COL9A1: variants seen among roughly 807,000 people sequenced by gnomAD.
COL9A1 encodes collagen alpha-1(IX) chain.
A neutral mutation model predicts 142.6 loss-of-function variants in COL9A1; 104 were observed. The observed-to-expected ratio is 0.73, with a 90% CI of 0.62 to 0.86. The LOEUF (loss-of-function observed/expected upper bound fraction) is 0.86. COL9A1 is among the 40% of genes least tolerant of loss of function. The pLI is 0.00. For missense variants in COL9A1, 1,210 were observed against 1,176.6 expected (o/e 1.03, Z -0.42); for synonymous variants, 466 against 396.0 (o/e 1.18, Z -2.10).
At chr6:70,234,038 T>G (rs916457683) in intron 35 of COL9A1, among the ~76,000 whole-genome samples, 2 of 152,224 alleles carry the variant, frequency 1.3e-5, no homozygotes, top group African/African-American at 4.8e-5. Flanking sequence ...ATAATTTTGG[T>G]AAATGCTGGT....
At chr6:70,246,283 C>T (rs1770604884) in intron 28 of COL9A1, 1 of 152,102 alleles carries the variant, frequency 6.6e-6, no homozygotes, top group Non-Finnish European at 1.5e-5. Flanking sequence ...TTTCTTGAAA[C>T]TGGGAGATGG....
intron 10 of COL9A1, chr6:70,280,278 G>A: frequency 8.1e-7 from 1 of 1,235,562 alleles, no homozygotes. Context: ...TAAATTCCCC[G>A]CACATCCCCA....
At chr6:70,295,281 CTTTTTTTTTTT>C in intron 4 of COL9A1, among the ~76,000 whole-genome samples, 1 of 63,166 alleles carries the variant, frequency 1.6e-5, no homozygotes, top group African/African-American at 6.4e-5. Flanking sequence ...GTTGTTGCTT[CTTTTTTTTTTT>C]TTTTTTTTTT....
At position 70,226,928 on chromosome 6, in the gene COL9A1, G is replaced by T. The variant is rs572886791; in HGVS notation, c.2504-919C>A. Among the ~76,000 whole-genome samples, 12 of 152,190 alleles carry T rather than the reference G, an allele frequency of 7.9e-5. No homozygotes were observed. The South Asian group carries it at 2.3e-3, about 29-fold the overall frequency. ...AAAGCAACATGAAGGGAATTAAGTT[G>T]ACCAGATATTAAATCAACTAAAATG... On this transcript the variant is annotated intron_variant, in intron 36 of 37. Transcript: ENST00000357250.
chr6:70,222,193 T>C (rs1342536185), intron 37 of COL9A1, among the ~76,000 whole-genome samples: 1 of 152,186 alleles, frequency 6.6e-6, no homozygotes, highest in Non-Finnish European at 1.5e-5. Context: ...GCAACAATAA[T>C]AACAGTTAAA....
rs866704700 is a variant in COL9A1, at chr6:70,280,987, T to G, written c.912+17A>C. 1 of 1,612,764 alleles carries G rather than the reference T, an allele frequency of 6.2e-7. No homozygotes were observed. The highest frequency in any genetic ancestry group is 1.1e-5 in the South Asian group (1 of 91,072). ...TAAAGGAAGGAAGTGGAGCGCCATA[T>G]GCTCCAATCAACTTACCGGGGGGCC... On this transcript the variant is annotated intron_variant, in intron 9 of 37. Coordinates refer to ENST00000357250, the MANE Select transcript of COL9A1 (RefSeq NM_001851.6).
chr6:70,271,639 G>A lies in COL9A1; in HGVS notation c.1143+16C>T, dbSNP rs1562317477. On this transcript the variant is annotated intron_variant, in intron 14 of 37. Transcript: ENST00000357250. ...TAAATCAGCAAACGTCTATCAAAGT[G>A]CACTGTGGTACTCACAACAGGTCCT... is the stretch of plus-strand genomic sequence containing the variant. 1.2e-6 allele frequency: 2 copies of A among 1,611,786 alleles called. No individual in the cohort carries two copies. The highest frequency in any genetic ancestry group is 1.7e-6 in the Non-Finnish European group (2 of 1,177,944).
chr6:70,265,245 A>G (rs575687175), intron 18 of COL9A1, among the ~76,000 whole-genome samples: 3 of 152,242 alleles, frequency 2.0e-5, no homozygotes, highest in Admixed American at 1.3e-4. Context: ...AGGCATCTGG[A>G]TTAACAGCTC....
intron 5 of COL9A1, among the ~76,000 whole-genome samples, chr6:70,284,118 T>C (rs1773341880): frequency 6.6e-6 from 1 of 152,188 alleles, no homozygotes; most frequent in Non-Finnish European, 1.5e-5. Context: ...TCTGTTCTGA[T>C]GACAATCTCA....
intron 37 of COL9A1, among the ~76,000 whole-genome samples, chr6:70,220,390 GT>G (rs879326963): frequency 0.092 from 47 of 510 alleles, no homozygotes; most frequent in African/African-American, 0.17. Flanking sequence ...GTGTGGCAGG[GT>G]GTGTGTGTGT....
chr6:70,278,947 G>A (rs1772938809), intron 10 of COL9A1, among the ~76,000 whole-genome samples: 1 of 152,076 alleles, frequency 6.6e-6, no homozygotes, highest in African/African-American at 2.4e-5. Context: ...ATTAAATTGG[G>A]GGACAGATAA....
chr6:70,265,154 T>C (rs1771930739), intron 18 of COL9A1, among the ~76,000 whole-genome samples: 4 of 152,142 alleles, frequency 2.6e-5, no homozygotes. Context: ...GGTTTTCCAC[T>C]GAACATCAAA....
chr6:70,217,639 T>C (rs1768608953), intron 37 of COL9A1, among the ~76,000 whole-genome samples: 2 of 152,204 alleles, frequency 1.3e-5, no homozygotes, highest in Non-Finnish European at 2.9e-5. Flanking sequence ...TCACATTATA[T>C]TTCTTTTGAA....
At chr6:70,231,301 T>C (rs1769528079) in intron 36 of COL9A1, among the ~76,000 whole-genome samples, 1 of 152,208 alleles carries the variant, frequency 6.6e-6, no homozygotes, top group South Asian at 2.1e-4. Context: ...GTAGAGTTTC[T>C]TAGAAATTAT....
chr6:70,286,024 GACA>G lies in COL9A1; in HGVS notation c.697-2207_697-2205del, dbSNP rs1338580060. Among the ~76,000 whole-genome samples, 3 of 152,026 alleles carry G rather than the reference GACA, an allele frequency of 2.0e-5. No homozygotes were observed. The East Asian group carries it at 5.8e-4, about 29-fold the overall frequency. ...CTGCCTCAGCCTCCCGAGTAGCTGG[GACA>G]ACAGGCGCCCACCACCACACCCAGC... On this transcript the variant is annotated intron_variant, in intron 5 of 37. Transcript: ENST00000357250.
At chr6:70,265,684 A>G (rs1295290096) in intron 18 of COL9A1, among the ~76,000 whole-genome samples, 1 of 151,986 alleles carries the variant, frequency 6.6e-6, no homozygotes, top group East Asian at 1.9e-4. Context: ...GACATTAGGA[A>G]CCCAGCTGTT....
In COL9A1 at chr6:70,242,051, A is replaced by G; in HGVS notation, c.1927-16T>C. The G allele has an allele frequency of 6.3e-7, 1 of 1,583,050 alleles. No individual in the cohort carries two copies. The highest frequency in any genetic ancestry group is 8.6e-7 in the Non-Finnish European group (1 of 1,162,168). On this transcript the variant is annotated splice_polypyrimidine_tract_variant and intron_variant, in intron 29 of 37. Coordinates refer to ENST00000357250, the MANE Select transcript of COL9A1 (RefSeq NM_001851.6). ...CCAGAGAACCCTGGAAAGCAAAAAC[A>G]AAGTCCCCGGAGTTACTGTCACTGC...
intron 37 of COL9A1, among the ~76,000 whole-genome samples, chr6:70,221,817 G>C (rs555309020): frequency 1.3e-5 from 2 of 152,298 alleles, no homozygotes; most frequent in Admixed American, 6.5e-5. Context: ...CAATGGGCAA[G>C]TTTGGTGGCA....
intron 22 of COL9A1, 34 bp from the exon 23 acceptor site, chr6:70,255,237 T>C (rs1771204491): frequency 6.2e-7 from 1 of 1,612,958 alleles, no homozygotes; most frequent in Non-Finnish European, 8.5e-7. Context: ...AGACAAGACA[T>C]GTTCAGTTAA....
Sources: allele counts gnomAD v4.1 joint callset (sites outside exome capture counted in the v4.1 genomes callset), GRCh38; gene constraint gnomAD v4.1.1; transcripts MANE v1.5; gene names NCBI Gene and HGNC (gene_info 2026-07-23, HGNC 2026-07-21).